ANGPT2: variants seen among roughly 807,000 people sequenced by gnomAD.
The protein encoded by ANGPT2 is angiopoietin-2.
ANGPT2 carries 28 observed loss-of-function variants against 62.9 expected under a neutral mutation model. The observed-to-expected ratio is 0.44, with a 90% confidence interval of 0.33 to 0.61. The LOEUF (loss-of-function observed/expected upper bound fraction) is 0.61. ANGPT2 is among the 20% of genes least tolerant of loss of function. The pLI is 0.03. For synonymous variants in ANGPT2, 284 were observed against 207.8 expected (o/e 1.37, Z -3.15); for missense variants, 727 against 594.9 (o/e 1.22, Z -2.31).
rs532311337 is a variant in ANGPT2 at position 6,500,126 on chromosome 8, A to C, written c.*2975T>G. Reference sequence around the variant, plus strand: ...GTGAGAACGTGAGACCATTGTGCAAAAAGTAGTGAGGAATGCAGTCCAAAG... The same window carrying C: ...GTGAGAACGTGAGACCATTGTGCAACAAGTAGTGAGGAATGCAGTCCAAAG... On this transcript the variant is annotated 3_prime_UTR_variant, in exon 9 of 9. Transcript: ENST00000629816. 7.6e-5 allele frequency: 45 copies of C among 588,970 alleles called. No homozygotes were observed. The highest frequency in any genetic ancestry group is 1.3e-4 in the Non-Finnish European group (41 of 327,958). The allele number at this position is 588,970 out of a possible 1,614,324, so 36.5% of individuals were successfully genotyped here.
intron 5 of ANGPT2, 75 bp downstream of exon 5, chr8:6,519,789 T>C (rs1586312878): frequency 1.9e-6 from 3 of 1,539,558 alleles, no homozygotes; most frequent in Non-Finnish European, 2.7e-6. Context: ...GAGAGACTTC[T>C]GCTCTCTGGT....
chr8:6,555,028 C>T (rs1824342258), intron 1 of ANGPT2, among the ~76,000 whole-genome samples: 1 of 152,084 alleles, frequency 6.6e-6, no homozygotes, highest in South Asian at 2.1e-4. Context: ...AGTTCCTTCC[C>T]CTTTTTTTTA....
intron 1 of ANGPT2, among the ~76,000 whole-genome samples, chr8:6,542,462 G>C (rs1821783531): frequency 1.3e-5 from 2 of 152,088 alleles, no homozygotes; most frequent in South Asian, 2.1e-4. Context: ...CTGTAATATT[G>C]TCGGAGTGTC....
chr8:6,562,896 A>T lies in ANGPT2; in HGVS notation c.39T>A (p.Leu13=), dbSNP rs369653095. The T allele has an allele frequency of 1.9e-6, 3 of 1,607,850 alleles. No homozygotes were observed. In the Admixed American group the frequency reaches 5.0e-5, roughly 27 times the overall value. ...QIVFFTLSCD[L]VLAAAYNNFR... ...AGTTGTTATAGGCTGCGGCCAAGAC[A>T]AGATCACAGCTCAGAGTAAAGAAAA... The change falls in exon 1 of 9, where the codon CTT becomes CTA. Residue 13 remains leucine (L), a synonymous_variant. Transcript: ENST00000629816.
chr8:6,522,948 C>T (rs780203594), intron 3 of ANGPT2, among the ~76,000 whole-genome samples: 1 of 152,020 alleles, frequency 6.6e-6, no homozygotes, highest in East Asian at 1.9e-4. Context: ...AGCGCTATGG[C>T]ATGTACTTAA....
intron 1 of ANGPT2, among the ~76,000 whole-genome samples, chr8:6,550,416 C>T (rs1343542554): frequency 2.0e-5 from 3 of 152,242 alleles, no homozygotes; most frequent in Admixed American, 1.3e-4. Flanking sequence ...TCTCTACAGC[C>T]GCTTGTTGCC....
Position 6,513,739 on chromosome 8 carries a change from C to T in ANGPT2, c.1135G>A (p.Gly379Arg), listed in dbSNP as rs2129567598. The T allele has an allele frequency of 6.2e-7, 1 of 1,613,984 alleles. No homozygotes were observed. Among genetic ancestry groups the T allele is most frequent in the East Asian group, 2.2e-5 (1 of 44,866 alleles). The part of the protein sequence containing the change: ...VLKIHLKDWE[G>R]NEAYSLYEHF... ...TCATACAATGAGTAAGCCTCATTCC[C>T]TTCCCAGTCTTTAAGGTGTATTTTA... Residue 379 changes from glycine to arginine, a missense_variant, in exon 7 of 9, where the codon GGG (glycine) becomes AGG (arginine). Gly to Arg is a moderately radical substitution (Grantham distance 125). Coordinates refer to ENST00000629816, the MANE Select transcript of ANGPT2 (RefSeq NM_001118887.2).
intron 1 of ANGPT2, among the ~76,000 whole-genome samples, chr8:6,557,778 A>G (rs1824879174): frequency 6.6e-6 from 1 of 152,104 alleles, no homozygotes; most frequent in African/African-American, 2.4e-5. Flanking sequence ...TACCGTAAAC[A>G]TCCTGGAAAT....
At chr8:6,528,509 A>G (rs776032639) in intron 2 of ANGPT2, among the ~76,000 whole-genome samples, 1 of 152,030 alleles carries the variant, frequency 6.6e-6, no homozygotes, top group Non-Finnish European at 1.5e-5. Context: ...TCTTCTTGCC[A>G]TTTCTCCTTC....
Position 6,521,068 on chromosome 8 carries a change from A to T in ANGPT2, c.799+110T>A, listed in dbSNP as rs116560801. The T allele has an allele frequency of 2.9e-3, 2,090 of 723,220 alleles. 26 individuals carry two copies. In the African/African-American group the frequency reaches 0.034, roughly 12 times the overall value. The allele number at this position is 723,220 out of a possible 1,614,324, so 44.8% of individuals were successfully genotyped here. A position where few individuals can be genotyped will look rare whatever the true frequency, so the allele number is the denominator to read the frequency against. On this transcript the variant is annotated intron_variant, in intron 4 of 8. Coordinates refer to ENST00000629816, the MANE Select transcript of ANGPT2 (RefSeq NM_001118887.2). ...TTTAATTGGTAGATATTTCATATGA[A>T]ATATATGAGAAATAGCGCCTTTTCT... is the stretch of plus-strand genomic sequence containing the variant.
In ANGPT2 at chr8:6,500,005, C is replaced by A; in HGVS notation, c.*3096G>T. On this transcript the variant is annotated 3_prime_UTR_variant, in exon 9 of 9. Coordinates refer to ENST00000629816, the MANE Select transcript of ANGPT2 (RefSeq NM_001118887.2). ...AAATTATTATAAACATAAGGGTGGA[C>A]TTAAGTTTTTATCCAGTCAAGCACA... The A allele has an allele frequency of 7.7e-7, 1 of 1,305,042 alleles. No homozygotes were observed. The highest frequency in any genetic ancestry group is 1.1e-6 in the Non-Finnish European group (1 of 900,702). 80.8% of individuals were successfully genotyped at this position (1,305,042 alleles called of 1,614,324 possible). A position where few individuals can be genotyped will look rare whatever the true frequency, so the allele number is the denominator to read the frequency against.
intron 2 of ANGPT2, among the ~76,000 whole-genome samples, chr8:6,531,459 G>T (rs2515478): frequency 0.66 from 99,767 of 151,512 alleles, 33,242 homozygotes; most frequent in Non-Finnish European, 0.72. Context: ...TGGCTAATTT[G>T]TTTGTATTTT....
intron 1 of ANGPT2, among the ~76,000 whole-genome samples, chr8:6,561,333 C>G (rs944770986): frequency 6.6e-6 from 1 of 152,192 alleles, no homozygotes; most frequent in Non-Finnish European, 1.5e-5. Flanking sequence ...TTTTAAATGA[C>G]TCCTCTTGAC....
chr8:6,553,118 A>G (rs975911478), intron 1 of ANGPT2, among the ~76,000 whole-genome samples: 9 of 152,112 alleles, frequency 5.9e-5, no homozygotes, highest in African/African-American at 1.9e-4. Context: ...TGATGGGTCA[A>G]TGTAGATTCA....
Position 6,502,438 on chromosome 8 carries a change from A to T in ANGPT2, c.*663T>A, listed in dbSNP as rs1392974840. On this transcript the variant is annotated 3_prime_UTR_variant, in exon 9 of 9. Coordinates refer to ENST00000629816, the MANE Select transcript of ANGPT2 (RefSeq NM_001118887.2). The stretch of plus-strand genomic sequence containing the variant: ...AGATTCTGGAAGTTTCTACCATATA[A>T]ATTTGAAATACGTATTTGAGCATTA... 2.6e-5 allele frequency: 4 copies of T among 152,192 alleles called. No homozygotes were observed. Among genetic ancestry groups the T allele is most frequent in the Non-Finnish European group, 5.9e-5 (4 of 68,040 alleles). The allele number at this position is 152,192 out of a possible 1,614,324, so 9.4% of individuals were successfully genotyped here.
rs1156701588 is a variant in ANGPT2, at chr8:6,513,720, A to G, written c.1154T>C (p.Leu385Ser). The G allele has an allele frequency of 6.2e-7, 1 of 1,613,344 alleles. No individual in the cohort carries two copies. Among genetic ancestry groups the G allele is most frequent in the Non-Finnish European group, 8.5e-7 (1 of 1,179,710 alleles). ...KDWEGNEAYSLYEHFYLSSEE... is the reference protein window; with the variant it reads ...KDWEGNEAYSSYEHFYLSSEE... ...ACTTGAGAGATAGAAATGTTCATAC[A>G]ATGAGTAAGCCTCATTCCCTTCCCA... Residue 385 changes from leucine to serine, a missense_variant, in exon 7 of 9, where the codon TTG (leucine) becomes TCG (serine). Physicochemically the swap from Leu to Ser is moderately radical, Grantham distance 145 (BLOSUM62 -2). Transcript: ENST00000629816.
intron 2 of ANGPT2, among the ~76,000 whole-genome samples, chr8:6,529,248 A>G (rs1052683991): frequency 1.3e-5 from 2 of 152,148 alleles, no homozygotes; most frequent in Admixed American, 6.6e-5. Flanking sequence ...TCCCTTTAAG[A>G]TATGAGACCT....
At chr8:6,534,069 A>G (rs1329396615) in intron 1 of ANGPT2, among the ~76,000 whole-genome samples, 1 of 152,090 alleles carries the variant, frequency 6.6e-6, no homozygotes, top group Non-Finnish European at 1.5e-5. Flanking sequence ...CAGCCTGGTC[A>G]CTAAGGCTGC....
chr8:6,511,732 G>A (rs1389408154), intron 7 of ANGPT2, among the ~76,000 whole-genome samples: 4 of 152,126 alleles, frequency 2.6e-5, no homozygotes, highest in African/African-American at 4.8e-5. Context: ...ACCAATGTGT[G>A]TGTTTTTCTA....
Sources: gnomAD v4.1 joint callset for allele counts (sites outside exome capture counted in the v4.1 genomes callset) on GRCh38, gnomAD v4.1.1 for gene constraint, MANE v1.5 for transcripts, NCBI Gene and HGNC (gene_info 2026-07-23, HGNC 2026-07-21) for gene names.